The following CFAP47 variants were observed in gnomAD, a reference collection of about 807,000 sequenced individuals.
CFAP47 encodes the protein cilia and flagella associated protein 47.
A neutral mutation model predicts 148.1 loss-of-function variants in CFAP47; 29 were observed. The ratio of observed to expected loss-of-function variants is 0.20; its 90% CI spans 0.15 to 0.27. The LOEUF (loss-of-function observed/expected upper bound fraction) is 0.27. Among genes scored for constraint, CFAP47 ranks in the 10% least tolerant of loss-of-function variants. CFAP47 has a pLI of 1.00. For synonymous variants in CFAP47, 664 were observed against 577.3 expected (o/e 1.15, Z -2.15); for missense variants, 1,872 against 1,697.5 (o/e 1.10, Z -1.81).
intron 2 of CFAP47, among the ~76,000 whole-genome samples, chrX:35,938,499 T>C (rs1257562066): frequency 1.8e-5 from 2 of 108,493 alleles, no homozygotes; most frequent in African/African-American, 6.9e-5. Flanking sequence ...GTTTGACGAG[T>C]TTTTTTTTAA....
At chrX:35,988,885 TC>T (rs2146682075) in intron 15 of CFAP47, among the ~76,000 whole-genome samples, 1 of 112,143 alleles carries the variant, frequency 8.9e-6, no homozygotes, top group East Asian at 2.8e-4. Context: ...TGATAATTCT[TC>T]CTTCTGAAAG....
intron 46 of CFAP47, among the ~76,000 whole-genome samples, chrX:36,232,041 C>T (rs1266778088): frequency 9.0e-6 from 1 of 111,160 alleles, no homozygotes; most frequent in Non-Finnish European, 1.9e-5. Flanking sequence ...ATTTTTGCAT[C>T]AATGTTCATC....
intron 21 of CFAP47, among the ~76,000 whole-genome samples, chrX:36,003,070 A>G (rs969449765): frequency 3.6e-5 from 4 of 111,237 alleles, no homozygotes; most frequent in African/African-American, 1.3e-4. Flanking sequence ...AAGGTTAGCA[A>G]CAGTTATCTT....
chrX:36,100,306 A>G (rs1161431282), intron 32 of CFAP47, among the ~76,000 whole-genome samples: 1 of 112,035 alleles, frequency 8.9e-6, no homozygotes, highest in Non-Finnish European at 1.9e-5. Flanking sequence ...TAAAAGGGAG[A>G]ATTAAAGAAT....
intron 23 of CFAP47, among the ~76,000 whole-genome samples, chrX:36,032,726 A>T (rs6527533): frequency 0.15 from 16,174 of 110,445 alleles, 1,187 homozygotes; most frequent in East Asian, 0.3. Context: ...GGCCCCAAAG[A>T]TGCTTAAGTA....
intron 49 of CFAP47, among the ~76,000 whole-genome samples, chrX:36,261,346 A>ATTTTTTTTTTTTTTTTT (rs1940818823): frequency 3.3e-5 from 1 of 30,128 alleles, no homozygotes; most frequent in Non-Finnish European, 5.4e-5. Context: ...TTTTTTTTTC[A>ATTTTTTTTTTTTTTTTT]TTGATCATTC....
chrX:35,956,260 G>A lies in CFAP47; in HGVS notation c.1410+64G>A, dbSNP rs1207747456. ...ATTTTAAGGTGTGCTAAAATGCTAT[G>A]CGGAGGATTAGAAACAACATGTGTT... On this transcript the variant is annotated intron_variant, in intron 8 of 63. Transcript: ENST00000378653. 8.3e-6 allele frequency: 7 copies of A among 847,733 alleles called. No homozygotes were observed. In the South Asian group the frequency reaches 9.5e-5, roughly 11 times the overall value. The allele number at this position is 847,733 out of a possible 1,213,427, so 69.9% of individuals were successfully genotyped here.
chrX:36,301,546 G>T (rs1260792028), intron 53 of CFAP47, among the ~76,000 whole-genome samples: 3 of 110,280 alleles, frequency 2.7e-5, no homozygotes, highest in Non-Finnish European at 5.7e-5. Context: ...AGAATCTTTG[G>T]AGGGAAAGCT....
intron 39 of CFAP47, among the ~76,000 whole-genome samples, chrX:36,165,399 A>G (rs1939477957): frequency 9.0e-6 from 1 of 111,043 alleles, no homozygotes; most frequent in Admixed American, 9.6e-5. Context: ...TTTCTTAATG[A>G]TTGCACCAGA....
chrX:36,049,528 T>A (rs774751896), intron 26 of CFAP47, among the ~76,000 whole-genome samples: 1 of 88,250 alleles, frequency 1.1e-5, no homozygotes, highest in African/African-American at 3.8e-5. Context: ...ACACACACAC[T>A]AGTGAAACTT....
chrX:36,311,989 G>A (rs1426484371), intron 56 of CFAP47, among the ~76,000 whole-genome samples: 4 of 110,971 alleles, frequency 3.6e-5, no homozygotes, highest in Admixed American at 2.9e-4. Flanking sequence ...TTTTGGCTGC[G>A]ATCAGGAGAG....
At chrX:35,934,942 A>G (rs1363037995) in intron 2 of CFAP47, among the ~76,000 whole-genome samples, 1 of 110,929 alleles carries the variant, frequency 9.0e-6, no homozygotes, top group African/African-American at 3.3e-5. Flanking sequence ...AAGATTCAAG[A>G]CAAAGTCCTA....
intron 45 of CFAP47, among the ~76,000 whole-genome samples, chrX:36,222,921 G>C (rs1940228164): frequency 9.0e-6 from 1 of 111,243 alleles, no homozygotes; most frequent in Non-Finnish European, 1.9e-5. Flanking sequence ...TTGGAAGTGG[G>C]AACTAGTAGG....
chrX:36,165,031 C>A (rs1328041344), intron 39 of CFAP47, among the ~76,000 whole-genome samples: 1 of 111,825 alleles, frequency 8.9e-6, no homozygotes, highest in African/African-American at 3.2e-5. Context: ...CACTTCATAT[C>A]AATGGAATTA....
At chrX:36,074,219 G>GT (rs758534150) in intron 29 of CFAP47, among the ~76,000 whole-genome samples, 7 of 111,932 alleles carry the variant, frequency 6.3e-5, no homozygotes, top group Non-Finnish European at 9.4e-5. Context: ...AAAATTTATA[G>GT]TTTTCATCAT....
chrX:36,214,605 A>T (rs781785289), intron 45 of CFAP47, among the ~76,000 whole-genome samples: 1 of 111,258 alleles, frequency 9.0e-6, no homozygotes, highest in Non-Finnish European at 1.9e-5. Context: ...TATTCTATAA[A>T]TTTTTTTACT....
chrX:35,956,687 A>C (rs1160081353), intron 8 of CFAP47, among the ~76,000 whole-genome samples: 1 of 111,585 alleles, frequency 9.0e-6, no homozygotes, highest in Non-Finnish European at 1.9e-5. Flanking sequence ...CAAAGCAGAA[A>C]AAGAGAATGC....
At chrX:36,029,014 C>T (rs1937252214) in intron 22 of CFAP47, among the ~76,000 whole-genome samples, 1 of 110,455 alleles carries the variant, frequency 9.1e-6, no homozygotes, top group African/African-American at 3.3e-5. Flanking sequence ...TGGTCCTGGG[C>T]TCTTTTGGGT....
chrX:36,207,367 A>G (rs1279082620), intron 45 of CFAP47, among the ~76,000 whole-genome samples: 1 of 110,960 alleles, frequency 9.0e-6, no homozygotes, highest in Non-Finnish European at 1.9e-5. Flanking sequence ...CTGGAGAACC[A>G]GGGATAGCCC....
Sources: allele counts gnomAD v4.1 joint callset (sites outside exome capture counted in the v4.1 genomes callset), GRCh38; gene constraint gnomAD v4.1.1; transcripts MANE v1.5; gene names NCBI Gene and HGNC (gene_info 2026-07-23, HGNC 2026-07-21).